VRK2: variants seen among roughly 807,000 people sequenced by gnomAD.
The protein encoded by VRK2 is VRK serine/threonine kinase 2, also known as serine/threonine-protein kinase VRK2.
A neutral mutation model predicts 57.6 loss-of-function variants in VRK2; 60 were observed. That is an observed-to-expected ratio of 1.04 (90% CI 0.85 to 1.29). The LOEUF (loss-of-function observed/expected upper bound fraction) is 1.29, where lower values mean the gene tolerates loss of function less well. Ranked by LOEUF, VRK2 falls within the 50% of genes most tolerant of loss-of-function variation. The pLI is 0.00. For missense variants in VRK2, 705 were observed against 588.1 expected (o/e 1.20, Z -2.06); for synonymous variants, 231 against 199.2 (o/e 1.16, Z -1.35).
chr2:58,140,269 TA>T (rs575623900), intron 11 of VRK2, among the ~76,000 whole-genome samples: 1,879 of 152,156 alleles, frequency 0.012, 33 homozygotes, highest in African/African-American at 0.042. Context: ...AACAGTTCTT[TA>T]CAGAAAATAA....
At chr2:58,150,100 A>T (rs551505589) in intron 12 of VRK2, among the ~76,000 whole-genome samples, 1 of 150,464 alleles carries the variant, frequency 6.6e-6, no homozygotes, top group South Asian at 2.1e-4. Context: ...TTTTGTCGTA[A>T]TATCCTTGTA....
chr2:58,089,249 T>C lies in VRK2; in HGVS notation c.451-382T>C, dbSNP rs373944941. Among the ~76,000 whole-genome samples the C allele has an allele frequency of 2.0e-4, 31 of 152,314 alleles. No individual in the cohort carries two copies. The East Asian group carries it at 3.7e-3, about 18-fold the overall frequency. On this transcript the variant is annotated intron_variant, in intron 6 of 12. Coordinates refer to ENST00000340157, the MANE Select transcript of VRK2 (RefSeq NM_006296.7). ...GAGATTCTCAAGGCTTGATTTATAATTATTGCTTAGGTGAGGAATTGCTGA... is the reference window on the plus strand; with the variant it reads ...GAGATTCTCAAGGCTTGATTTATAACTATTGCTTAGGTGAGGAATTGCTGA...
intron 1 of VRK2, among the ~76,000 whole-genome samples, chr2:57,960,837 G>C (rs996889922): frequency 1.8e-4 from 27 of 152,160 alleles, no homozygotes; most frequent in Admixed American, 1.8e-3. Flanking sequence ...AGTGTAACAG[G>C]GTAAAAACAA....
intron 12 of VRK2, among the ~76,000 whole-genome samples, chr2:58,153,565 A>G (rs1191204804): frequency 1.3e-5 from 2 of 151,900 alleles, no homozygotes; most frequent in African/African-American, 4.8e-5. Flanking sequence ...AATCAACCCC[A>G]CTTCGTCATT....
At chr2:58,093,807 T>G (rs952493522) in intron 7 of VRK2, among the ~76,000 whole-genome samples, 9 of 152,200 alleles carry the variant, frequency 5.9e-5, no homozygotes, top group Non-Finnish European at 1.0e-4. Context: ...GGTCTAACAT[T>G]TAAGTCTTTA....
intron 2 of VRK2, among the ~76,000 whole-genome samples, chr2:58,064,667 T>C (rs553955114): frequency 5.3e-5 from 8 of 152,208 alleles, no homozygotes; most frequent in Admixed American, 3.3e-4. Context: ...CTCCAAAATA[T>C]CAGGATTCCA....
At chr2:58,006,572 A>G (rs1332148782) in intron 1 of VRK2, among the ~76,000 whole-genome samples, 1 of 152,178 alleles carries the variant, frequency 6.6e-6, no homozygotes, top group African/African-American at 2.4e-5. Context: ...TGTGGAGCAG[A>G]CCTCACAGTG....
At chr2:58,149,917 C>G (rs1219096030) in intron 12 of VRK2, among the ~76,000 whole-genome samples, 1 of 150,858 alleles carries the variant, frequency 6.6e-6, no homozygotes, top group African/African-American at 2.4e-5. Context: ...AACTCAATTC[C>G]TGCTGAATTT....
intron 1 of VRK2, among the ~76,000 whole-genome samples, chr2:57,962,687 G>A (rs1007539977): frequency 1.3e-5 from 2 of 152,116 alleles, no homozygotes; most frequent in African/African-American, 4.8e-5. Flanking sequence ...CGGTCTCTAT[G>A]TCTGATATCA....
At chr2:58,063,201 T>C (rs2103913016) in intron 2 of VRK2, among the ~76,000 whole-genome samples, 1 of 151,990 alleles carries the variant, frequency 6.6e-6, no homozygotes, top group South Asian at 2.1e-4. Context: ...TTTTTCTTAT[T>C]TTAAAAATTG....
At chr2:57,988,123 G>C (rs1467600543) in intron 1 of VRK2, among the ~76,000 whole-genome samples, 1 of 151,928 alleles carries the variant, frequency 6.6e-6, no homozygotes, top group Non-Finnish European at 1.5e-5. Flanking sequence ...AATCTTGCAG[G>C]ACTGTATAAA....
chr2:57,990,908 A>C (rs1271307646), intron 1 of VRK2, among the ~76,000 whole-genome samples: 1 of 152,004 alleles, frequency 6.6e-6, no homozygotes, highest in East Asian at 1.9e-4. Context: ...ATTAAACAAA[A>C]GTAGAGAACA....
At chr2:57,978,557 G>C (rs1452100424) in intron 1 of VRK2, among the ~76,000 whole-genome samples, 1 of 150,656 alleles carries the variant, frequency 6.6e-6, no homozygotes, top group Non-Finnish European at 1.5e-5. Context: ...TTACCATCCC[G>C]ATCTAAATCA....
At chr2:58,133,215 C>A (rs1428754207) in intron 9 of VRK2, among the ~76,000 whole-genome samples, 2 of 146,100 alleles carry the variant, frequency 1.4e-5, no homozygotes, top group African/African-American at 2.8e-5. Flanking sequence ...AATGAATATA[C>A]CTGCTTATGC....
intron 1 of VRK2, among the ~76,000 whole-genome samples, chr2:58,003,497 G>T (rs1673149672): frequency 1.3e-5 from 2 of 152,024 alleles, no homozygotes; most frequent in South Asian, 4.2e-4. Flanking sequence ...AGAGTTTCCA[G>T]GGTTAGCGTA....
intron 1 of VRK2, among the ~76,000 whole-genome samples, chr2:57,942,638 T>G (rs1671136719): frequency 6.6e-6 from 1 of 152,218 alleles, no homozygotes; most frequent in South Asian, 2.1e-4. Context: ...ATGCTAACTT[T>G]ATTTGGTTTT....
chr2:58,104,576 A>G (rs566219512), intron 7 of VRK2, among the ~76,000 whole-genome samples: 19 of 152,064 alleles, frequency 1.2e-4, no homozygotes, highest in African/African-American at 4.6e-4. Flanking sequence ...GACACAAACA[A>G]ATGGAAAAAC....
chr2:58,137,224 C>CATGTATCAT (rs1558687360), intron 10 of VRK2, among the ~76,000 whole-genome samples: 2,540 of 64,206 alleles, frequency 0.04, 2 homozygotes, highest in African/African-American at 0.067. Flanking sequence ...ACATATATAT[C>CATGTATCAT]ATATGATACA....
At chr2:57,990,641 G>A (rs1179897911) in intron 1 of VRK2, among the ~76,000 whole-genome samples, 1 of 152,124 alleles carries the variant, frequency 6.6e-6, no homozygotes, top group Non-Finnish European at 1.5e-5. Context: ...ACATATGGAA[G>A]CAATCATTCA....
Sources: allele counts gnomAD v4.1 joint callset (sites outside exome capture counted in the v4.1 genomes callset), GRCh38; gene constraint gnomAD v4.1.1; transcripts MANE v1.5; gene names NCBI Gene and HGNC (gene_info 2026-07-23, HGNC 2026-07-21).